Variants in TOPBP1 observed in about 807,000 individuals in gnomAD.
TOPBP1 encodes the protein DNA topoisomerase II binding protein 1, also known as DNA topoisomerase 2-binding protein 1.
In TOPBP1, 28 loss-of-function variants were observed where a neutral mutation model predicts 167.7. That is an observed-to-expected ratio of 0.17 (90% CI 0.12 to 0.23). The LOEUF is 0.23. TOPBP1 is among the 10% of genes least tolerant of loss of function. TOPBP1 has a pLI of 1.00. For missense variants in TOPBP1, 1,554 were observed against 1,809.6 expected (o/e 0.86, Z 2.56); for synonymous variants, 598 against 611.4 (o/e 0.98, Z 0.32).
At chr3:133,640,267 G>T in intron 12 of TOPBP1, 97 bp from the exon 13 acceptor site, 1 of 1,022,550 alleles carries the variant, frequency 9.8e-7, no homozygotes, top group Non-Finnish European at 1.4e-6. Flanking sequence ...TAGAGATCAT[G>T]TAAGTATAAA....
At chr3:133,631,004 C>CA (rs1025932833) in intron 14 of TOPBP1, among the ~76,000 whole-genome samples, 7 of 152,142 alleles carry the variant, frequency 4.6e-5, no homozygotes, top group African/African-American at 1.7e-4. Context: ...CCAGCCTGAG[C>CA]AACATGGTGA....
chr3:133,620,151 A>G lies in TOPBP1; in HGVS notation c.3371+4T>C, dbSNP rs1935035185. 1 of 1,609,062 alleles carries G rather than the reference A, an allele frequency of 6.2e-7. No individual in the cohort carries two copies. The highest frequency in any genetic ancestry group is 1.7e-5 in the Admixed American group (1 of 59,206). On this transcript the variant is annotated splice_donor_region_variant and intron_variant, in intron 20 of 27. Transcript: ENST00000260810. Reference sequence around the variant, plus strand: ...TCTTTCTGCCATCAGTGACAGGTACACACCTCAGTGCCTCTAGGACTCTAC... The same window carrying G: ...TCTTTCTGCCATCAGTGACAGGTACGCACCTCAGTGCCTCTAGGACTCTAC...
intron 2 of TOPBP1, 29 bp downstream of exon 2, chr3:133,661,015 C>CG: frequency 6.7e-7 from 1 of 1,484,890 alleles, no homozygotes; most frequent in Admixed American, 2.5e-5. Context: ...AAAATGAATT[C>CG]ACGGTATTAA....
chr3:133,622,903 A>T (rs951813483), intron 19 of TOPBP1, among the ~76,000 whole-genome samples, 188 bp downstream of exon 19: 1 of 152,116 alleles, frequency 6.6e-6, no homozygotes, highest in Non-Finnish European at 1.5e-5. Context: ...CCTCTAATAT[A>T]TGCTTTGCTT....
chr3:133,632,794 A>G (rs1192413837), intron 14 of TOPBP1, among the ~76,000 whole-genome samples: 1 of 151,990 alleles, frequency 6.6e-6, no homozygotes, highest in East Asian at 1.9e-4. Context: ...TTTTTTTGAG[A>G]CAGGGTCTCA....
rs1936445738 is a variant in TOPBP1, at chr3:133,655,371, G to C, written c.661C>G (p.Leu221Val). 1 of 1,608,382 alleles carries C rather than the reference G, an allele frequency of 6.2e-7. No individual in the cohort carries two copies. Among genetic ancestry groups the C allele is most frequent in the Non-Finnish European group, 8.5e-7 (1 of 1,177,340 alleles). The change falls in exon 6 of 28, where the codon CTC (leucine) becomes GTC (valine). Residue 221 changes from leucine (L) to valine (V), a missense_variant. Leu to Val is a conservative substitution (Grantham distance 32). Around this residue, in one of 3 missense-constraint regions of TOPBP1, gnomAD observed 1,197 missense variants for 1,351.5 expected, o/e 0.89. Coordinates refer to ENST00000260810, the MANE Select transcript of TOPBP1 (RefSeq NM_007027.4). ...CGLDRKEVQQ[L>V]TVKHGGQYMG... is the part of the protein sequence containing the mutation. ...TATTGACCTCCATGCTTAACTGTGA[G>C]TTGCTGAACTTCTTTCCTGTCTAAG...
At chr3:133,642,053 G>C (rs149065098) in intron 12 of TOPBP1, among the ~76,000 whole-genome samples, 90 of 152,056 alleles carry the variant, frequency 5.9e-4, no homozygotes, top group African/African-American at 2.1e-3. Context: ...ATAGTTGTGT[G>C]ATCATAGCTC....
At chr3:133,635,350 C>T (rs945583787) in intron 14 of TOPBP1, among the ~76,000 whole-genome samples, 3 of 152,246 alleles carry the variant, frequency 2.0e-5, no homozygotes, top group African/African-American at 7.2e-5. Flanking sequence ...AACTCCTGGG[C>T]TCAAGCCATC....
chr3:133,617,093 A>C, intron 22 of TOPBP1, 67 bp downstream of exon 22: 1 of 1,514,002 alleles, frequency 6.6e-7, no homozygotes, highest in African/African-American at 1.4e-5. Context: ...ATTGACATCA[A>C]CAAATTTCTA....
rs558056053 is a variant in TOPBP1, at chr3:133,625,307, C to T, written c.2805-1132G>A. On this transcript the variant is annotated intron_variant, in intron 16 of 27. Transcript: ENST00000260810. ...TGACCTGGGAAACATCAAGTAAAAA[C>T]CAAAGGGTAGGTAAAAATTATATTT... Among the ~76,000 whole-genome samples the T allele has an allele frequency of 4.4e-4, 67 of 152,252 alleles. 1 individual carries two copies. Among genetic ancestry groups the T allele is most frequent in the African/African-American group, 1.6e-3 (65 of 41,546 alleles).
At position 133,657,784 on chromosome 3, in the gene TOPBP1, A is replaced by T. The variant is rs753102017; in HGVS notation, c.363+14T>A. On this transcript the variant is annotated intron_variant, in intron 4 of 27. Coordinates refer to ENST00000260810, the MANE Select transcript of TOPBP1 (RefSeq NM_007027.4). ...ATATATAAATTGATCAATCATCATG[A>T]GATCAATATCTACCCTTTTTTCTTT... The T allele has an allele frequency of 7.9e-6, 12 of 1,521,284 alleles. No homozygotes were observed. Among genetic ancestry groups the T allele is most frequent in the Non-Finnish European group, 1.1e-5 (12 of 1,138,284 alleles). The allele number at this position is 1,521,284 out of a possible 1,614,324, so 94.2% of individuals were successfully genotyped here.
chr3:133,660,485 C>A (rs1456919713), intron 2 of TOPBP1, among the ~76,000 whole-genome samples: 1 of 152,144 alleles, frequency 6.6e-6, no homozygotes, highest in African/African-American at 2.4e-5. Flanking sequence ...TTAAAAAAAT[C>A]TGCTACAAAT....
intron 13 of TOPBP1, 72 bp from the exon 14 acceptor site, chr3:133,638,234 A>G (rs1935747737): frequency 7.2e-7 from 1 of 1,397,694 alleles, no homozygotes; most frequent in Non-Finnish European, 9.9e-7. Context: ...ACAAGAAGTA[A>G]TATTTTATAC....
intron 14 of TOPBP1, among the ~76,000 whole-genome samples, chr3:133,630,174 A>C (rs1055929221): frequency 9.2e-5 from 14 of 152,044 alleles, no homozygotes; most frequent in African/African-American, 3.1e-4. Context: ...CTTTTTTTTA[A>C]TATATTCGCT....
intron 4 of TOPBP1, 45 bp from the exon 5 acceptor site, chr3:133,656,902 T>C (rs1157021981): frequency 2.1e-6 from 3 of 1,442,204 alleles, no homozygotes; most frequent in South Asian, 1.6e-5. Flanking sequence ...GCAAACAATA[T>C]TGCTTCCACT....
chr3:133,641,252 G>GT (rs1346651070), intron 12 of TOPBP1, among the ~76,000 whole-genome samples: 1 of 152,060 alleles, frequency 6.6e-6, no homozygotes, highest in East Asian at 1.9e-4. Flanking sequence ...AATGTCACTT[G>GT]TATCGTAAAT....
At chr3:133,651,171 CT>C (rs1176625452) in intron 8 of TOPBP1, among the ~76,000 whole-genome samples, 30,033 of 82,232 alleles carry the variant, frequency 0.37, 4,647 homozygotes, top group East Asian at 0.41. Context: ...CCGAATTTCC[CT>C]TTTTTTTTTT....
intron 14 of TOPBP1, among the ~76,000 whole-genome samples, chr3:133,631,858 G>A (rs1349850053): frequency 1.3e-5 from 2 of 151,832 alleles, no homozygotes; most frequent in East Asian, 2.0e-4. Context: ...GGCTGGTCTT[G>A]AACTCCTGAC....
chr3:133,659,024 G>C lies in TOPBP1; in HGVS notation c.211C>G (p.Leu71Val). ...DPFSGVVFDHLKKLGCRIVGP... is the reference protein window; with the variant it reads ...DPFSGVVFDHVKKLGCRIVGP... Reference sequence around the variant, plus strand: ...ACTAGAAGTCAGCAAACCTTTTTGAGGTGATCAAAGACAACGCCACTAAAA... The same window carrying C: ...ACTAGAAGTCAGCAAACCTTTTTGACGTGATCAAAGACAACGCCACTAAAA... The change falls in exon 3 of 28, where the codon CTC becomes GTC. Residue 71 changes from leucine (L) to valine (V), a missense_variant. Leu to Val is a conservative substitution (Grantham distance 32). Around this residue, in one of 3 missense-constraint regions of TOPBP1, gnomAD observed 1,197 missense variants for 1,351.5 expected, o/e 0.89. Coordinates refer to ENST00000260810, the MANE Select transcript of TOPBP1 (RefSeq NM_007027.4). The C allele has an allele frequency of 6.3e-7, 1 of 1,597,058 alleles. No homozygotes were observed. The highest frequency in any genetic ancestry group is 8.5e-7 in the Non-Finnish European group (1 of 1,172,476).
Sources: allele counts gnomAD v4.1 joint callset (sites outside exome capture counted in the v4.1 genomes callset), GRCh38; gene constraint gnomAD v4.1.1; regional missense constraint gnomAD v4.1.1; transcripts MANE v1.5; gene names NCBI Gene and HGNC (gene_info 2026-07-23, HGNC 2026-07-21).